NPY2R: variants seen among roughly 807,000 people sequenced by gnomAD.
NPY2R encodes neuropeptide Y receptor type 2.
In NPY2R, 17 loss-of-function variants were observed where a neutral mutation model predicts 22.3. The observed-to-expected ratio is 0.76, with a 90% confidence interval of 0.52 to 1.14. The LOEUF is 1.14. Ranked by LOEUF, NPY2R falls within the 50% of genes most tolerant of loss-of-function variation. The pLI is 0.00. For missense variants in NPY2R, 424 were observed against 467.9 expected (o/e 0.91, Z 0.87); for synonymous variants, 209 against 183.4 (o/e 1.14, Z -1.13).
chr4:155,184,706 A>G, the NPY2R span, among the ~76,000 whole-genome samples: 3 of 152,156 alleles, frequency 2.0e-5, no homozygotes, highest in South Asian at 4.1e-4. Context: ...TCATATCTGA[A>G]TAACTGAGAA....
upstream of NPY2R, among the ~76,000 whole-genome samples, chr4:155,205,671 G>C (rs1272949684): frequency 6.6e-6 from 1 of 152,118 alleles, no homozygotes; most frequent in East Asian, 1.9e-4. Context: ...TTGTATTTCT[G>C]TGCATTGAGA....
chr4:155,188,470 G>A, the NPY2R span, among the ~76,000 whole-genome samples: 3 of 152,198 alleles, frequency 2.0e-5, no homozygotes, highest in Non-Finnish European at 2.9e-5. Context: ...CAGTATTCAA[G>A]CCCTTGTATA....
intron 1 of NPY2R, 33 bp from the exon 2 acceptor site, chr4:155,213,859 G>GTTGTT: frequency 1.7e-6 from 2 of 1,159,922 alleles, no homozygotes; most frequent in Non-Finnish European, 2.6e-6. Flanking sequence ...TTTTGTTGTT[G>GTTGTT]TTGTTTTGTT....
At chr4:155,179,997 T>G in the NPY2R span, among the ~76,000 whole-genome samples, 1 of 128,442 alleles carries the variant, frequency 7.8e-6, no homozygotes, top group Non-Finnish European at 1.6e-5. Context: ...ACATAGTTTT[T>G]TCTATATTTT....
chr4:155,184,046 T>C, the NPY2R span, among the ~76,000 whole-genome samples: 1 of 152,206 alleles, frequency 6.6e-6, no homozygotes, highest in Admixed American at 6.5e-5. Context: ...GAATAGGAGC[T>C]GTGCACCCAG....
chr4:155,202,953 A>G, the NPY2R span, among the ~76,000 whole-genome samples: 2 of 152,254 alleles, frequency 1.3e-5, no homozygotes, highest in African/African-American at 4.8e-5. Context: ...TAAATTCTGA[A>G]TTCCACTTAA....
At chr4:155,187,051 G>A in the NPY2R span, among the ~76,000 whole-genome samples, 2 of 152,082 alleles carry the variant, frequency 1.3e-5, no homozygotes, top group Non-Finnish European at 2.9e-5. Context: ...CCTTTAATTA[G>A]AGGAACTTCA....
Position 155,214,129 on chromosome 4 carries a change from G to A in NPY2R, c.190G>A (p.Gly64Arg), listed in dbSNP as rs773970736. Residue 64 changes from glycine to arginine, a missense_variant, in exon 2 of 2, where the codon GGG becomes AGG. Transcript: ENST00000329476. Reference sequence around the variant, plus strand: ...GGCCTACTGCTCCATCATCTTGCTTGGGGTAATTGGCAACTCCTTGGTGAT... The same window carrying A: ...GGCCTACTGCTCCATCATCTTGCTTAGGGTAATTGGCAACTCCTTGGTGAT... ...ILAYCSIILL[G>R]VIGNSLVIHV... 3.7e-6 allele frequency: 6 copies of A among 1,613,810 alleles called. No homozygotes were observed. Among genetic ancestry groups the A allele is most frequent in the Non-Finnish European group, 5.1e-6 (6 of 1,179,724 alleles).
At chr4:155,200,438 A>G in the NPY2R span, among the ~76,000 whole-genome samples, 5 of 152,206 alleles carry the variant, frequency 3.3e-5, no homozygotes, top group Admixed American at 3.3e-4. Context: ...TGTGGAAGAC[A>G]GTGTGACGAT....
At chr4:155,184,009 C>A in the NPY2R span, among the ~76,000 whole-genome samples, 1 of 152,230 alleles carries the variant, frequency 6.6e-6, no homozygotes, top group African/African-American at 2.4e-5. Flanking sequence ...TGTCACCCTT[C>A]TTCCTCCTGT....
At chr4:155,185,587 C>T in the NPY2R span, among the ~76,000 whole-genome samples, 2 of 152,008 alleles carry the variant, frequency 1.3e-5, no homozygotes, top group African/African-American at 2.4e-5. Context: ...ATTTCCATAT[C>T]CCTTTCTTCA....
At chr4:155,203,413 G>A in the NPY2R span, among the ~76,000 whole-genome samples, 1 of 152,180 alleles carries the variant, frequency 6.6e-6, no homozygotes, top group African/African-American at 2.4e-5. Context: ...AGAGAAGGAA[G>A]TCAATTTTTC....
chr4:155,201,760 T>G, the NPY2R span, among the ~76,000 whole-genome samples: 1 of 152,112 alleles, frequency 6.6e-6, no homozygotes, highest in Admixed American at 6.5e-5. Context: ...TGCAAACTTA[T>G]AGAAAATTGT....
chr4:155,194,109 C>CAACTGT, the NPY2R span, among the ~76,000 whole-genome samples: 79 of 150,192 alleles, frequency 5.3e-4, no homozygotes, highest in East Asian at 0.015. Context: ...GTTTGTTTGT[C>CAACTGT]AACTGTATCT....
Position 155,214,897 on chromosome 4 carries a change from G to T in NPY2R, c.958G>T (p.Ala320Ser), listed in dbSNP as rs777500851. ...FHIIAMCSTF[A>S]NPLLYGWMNS... ...CATCATCGCCATGTGCTCCACTTTT[G>T]CCAATCCCCTTCTCTATGGCTGGAT... Residue 320 changes from alanine (A) to serine (S), a missense_variant, in exon 2 of 2, where the codon GCC becomes TCC. By Grantham distance (99) the Ala-to-Ser change is moderately conservative. Transcript: ENST00000329476. 1.2e-6 allele frequency: 2 copies of T among 1,612,826 alleles called. No homozygotes were observed. The highest frequency in any genetic ancestry group is 1.7e-6 in the Non-Finnish European group (2 of 1,179,134).
chr4:155,174,139 T>C, the NPY2R span: 1 of 151,930 alleles, frequency 6.6e-6, no homozygotes. Context: ...ATCAGAGTTT[T>C]TGCATTGATC....
At chr4:155,205,827 A>G (rs1006974666), upstream of NPY2R, among the ~76,000 whole-genome samples, 9 of 151,832 alleles carry the variant, frequency 5.9e-5, no homozygotes, top group South Asian at 1.9e-3. Context: ...CTATCTATCT[A>G]TCTATCTATC....
At position 155,215,100 on chromosome 4, in the gene NPY2R, G is replaced by A. The variant is rs751006222; in HGVS notation, c.*15G>A. ...CCAATGTCTAAGGAAGCTGTGGTGT[G>A]AAAATGTATGGATGAATTCTGACCA... On this transcript the variant is annotated 3_prime_UTR_variant, in exon 2 of 2. Transcript: ENST00000329476. The A allele has an allele frequency of 5.6e-6, 9 of 1,608,126 alleles. 1 individual carries two copies. In the South Asian group the frequency reaches 6.6e-5, roughly 12 times the overall value.
At chr4:155,180,412 G>A in the NPY2R span, among the ~76,000 whole-genome samples, 1 of 152,118 alleles carries the variant, frequency 6.6e-6, no homozygotes, top group African/African-American at 2.4e-5. Flanking sequence ...TTACACAGAT[G>A]ATTTTCTACA....
Sources: allele counts gnomAD v4.1 joint callset (sites outside exome capture counted in the v4.1 genomes callset), GRCh38; gene constraint gnomAD v4.1.1; transcripts MANE v1.5; gene names NCBI Gene and HGNC (gene_info 2026-07-23, HGNC 2026-07-21).